ABCB8: variants seen among roughly 807,000 people sequenced by gnomAD.
ABCB8 encodes mitochondrial potassium channel ATP-binding subunit.
A neutral mutation model predicts 73.0 loss-of-function variants in ABCB8; 52 were observed. The ratio of observed to expected loss-of-function variants is 0.71; its 90% CI spans 0.57 to 0.90. ABCB8 has a LOEUF of 0.90. ABCB8 is among the 40% of genes least tolerant of loss of function. ABCB8 has a pLI of 0.00. For missense variants in ABCB8, 909 were observed against 974.6 expected, an observed-to-expected ratio of 0.93 and a Z score of 0.90; for synonymous variants, 428 against 423.5, an observed-to-expected ratio of 1.01 and a Z score of -0.13.
chr7:151,028,885 C>CG (rs1796055751), intron 1 of ABCB8: 3 of 1,497,948 alleles, frequency 2.0e-6, no homozygotes, highest in African/African-American at 2.7e-5. Flanking sequence ...CACTCCCGAC[C>CG]GGGGGTCCCC....
intron 8 of ABCB8, 79 bp from the exon 9 acceptor site, chr7:151,036,465 C>T: frequency 3.1e-6 from 4 of 1,274,948 alleles, no homozygotes; most frequent in Non-Finnish European, 1.1e-6. Flanking sequence ...CTGACTCTCC[C>T]AGTCAGCAGT....
intron 1 of ABCB8, chr7:151,031,754 C>T: frequency 6.5e-6 from 1 of 153,624 alleles, no homozygotes. Context: ...CCTCAGCCTC[C>T]CAAGTAGCTG....
At chr7:151,033,234 G>A (rs1464728309) in intron 1 of ABCB8, 5 of 419,184 alleles carry the variant, frequency 1.2e-5, no homozygotes, top group South Asian at 6.0e-5. Context: ...TTAAACCCCC[G>A]GCCCCTTCCT....
At chr7:151,040,129 C>T in intron 9 of ABCB8, 139 bp from the exon 10 acceptor site, 1 of 963,846 alleles carries the variant, frequency 1.0e-6, no homozygotes, top group Non-Finnish European at 1.6e-6. Flanking sequence ...GGCTCTACGC[C>T]CCCATGGTGC....
Position 151,047,369 on chromosome 7 carries a change from T to C in ABCB8, c.*2020T>C, listed in dbSNP as rs1438937680. 1.3e-5 allele frequency: 2 copies of C among 152,064 alleles called. No individual in the cohort carries two copies. Among genetic ancestry groups the C allele is most frequent in the Non-Finnish European group, 2.9e-5 (2 of 68,012 alleles). 9.4% of individuals were successfully genotyped at this position (152,064 alleles called of 1,614,324 possible). A position where few individuals can be genotyped will look rare whatever the true frequency, so the allele number is the denominator to read the frequency against. On this transcript the variant is annotated 3_prime_UTR_variant, in exon 16 of 16. Transcript: ENST00000358849. Reference sequence around the variant, plus strand: ...TGATGCTGAATGCCTGTTTTGAGAGTGTGAGTGGGATCATCTACAGTAAAT... The same window carrying C: ...TGATGCTGAATGCCTGTTTTGAGAGCGTGAGTGGGATCATCTACAGTAAAT...
intron 15 of ABCB8, 91 bp from the exon 16 acceptor site, chr7:151,045,118 C>A: frequency 7.1e-7 from 1 of 1,407,084 alleles, no homozygotes; most frequent in Non-Finnish European, 9.4e-7. Context: ...TGACCATGGG[C>A]CCAATGGCTG....
At chr7:151,038,441 G>A (rs1796368637) in intron 9 of ABCB8, 1 of 151,708 alleles carries the variant, frequency 6.6e-6, no homozygotes, top group Admixed American at 6.6e-5. Flanking sequence ...AACCTGGTAG[G>A]CAGAGGTTGC....
intron 4 of ABCB8, 45 bp from the exon 5 acceptor site, chr7:151,034,679 T>C: frequency 3.7e-6 from 6 of 1,609,510 alleles, no homozygotes; most frequent in Non-Finnish European, 5.1e-6. Flanking sequence ...CCTGAAGTAA[T>C]GTCTCCCTCT....
chr7:151,041,243 A>G lies in ABCB8; in HGVS notation c.1617+11A>G, dbSNP rs762014916. 8 of 1,593,898 alleles carry G rather than the reference A, an allele frequency of 5.0e-6. No homozygotes were observed. The highest frequency in any genetic ancestry group is 1.7e-5 in the Admixed American group (1 of 59,490). Reference sequence around the variant, plus strand: ...GGCTTCATCAGCCAGGTGCGGGGCCACATGGGCAGCCCTTGGCTCCCACTG... The same window carrying G: ...GGCTTCATCAGCCAGGTGCGGGGCCGCATGGGCAGCCCTTGGCTCCCACTG... On this transcript the variant is annotated intron_variant, in intron 13 of 15. Coordinates refer to ENST00000358849, the MANE Select transcript of ABCB8 (RefSeq NM_007188.5).
rs1796251190 is a variant in ABCB8, at chr7:151,034,533, T to G, written c.593T>G (p.Leu198Arg). The G allele has an allele frequency of 5.0e-6, 8 of 1,613,410 alleles. No homozygotes were observed. In the South Asian group the frequency reaches 8.8e-5, roughly 18 times the overall value. ...CTGCTGACCTTCGGGTACCTGGTGC[T>G]GCTGTCCCACGTTGGCGAGCGCATG... The part of the protein sequence containing the change: ...QGLLTFGYLV[L>R]LSHVGERMAV... Residue 198 changes from leucine (L) to arginine (R), a missense_variant, in exon 4 of 16, where the codon CTG becomes CGG. Coordinates refer to ENST00000358849, the MANE Select transcript of ABCB8 (RefSeq NM_007188.5).
intron 8 of ABCB8, 66 bp from the exon 9 acceptor site, chr7:151,036,478 C>A: frequency 7.3e-7 from 1 of 1,370,952 alleles, no homozygotes; most frequent in Non-Finnish European, 1.0e-6. Context: ...TCAGCAGTGG[C>A]AGAGCAGGCC....
rs377170757 is a variant in ABCB8, at chr7:151,035,762, T to G, written c.927+20T>G. 6.6e-4 allele frequency: 1,067 copies of G among 1,611,544 alleles called. No individual in the cohort carries two copies. Among genetic ancestry groups the G allele is most frequent in the Non-Finnish European group, 8.5e-4 (1,006 of 1,180,018 alleles). Reference sequence around the variant, plus strand: ...GAGCAGGTACCGGCATTCCTGGCCATCCTCTTCACCCTCCCCACACCGTTT... The same window carrying G: ...GAGCAGGTACCGGCATTCCTGGCCAGCCTCTTCACCCTCCCCACACCGTTT... On this transcript the variant is annotated intron_variant, in intron 6 of 15. Coordinates refer to ENST00000358849, the MANE Select transcript of ABCB8 (RefSeq NM_007188.5).
In ABCB8 at chr7:151,028,453, G is replaced by A; in HGVS notation, c.-63G>A. On this transcript the variant is annotated 5_prime_UTR_variant, in exon 1 of 16. Transcript: ENST00000358849. ...CGGGATGGGGGCGGGAGCCAACATA[G>A]AGCCCTCAGTGGGATGAGGGTGAAA... 2 of 1,543,300 alleles carry A rather than the reference G, an allele frequency of 1.3e-6. No individual in the cohort carries two copies. Among genetic ancestry groups the A allele is most frequent in the Middle Eastern group, 1.8e-4 (1 of 5,708 alleles).
intron 5 of ABCB8, 59 bp downstream of exon 5, chr7:151,034,888 C>T: frequency 6.8e-7 from 1 of 1,478,402 alleles, no homozygotes. Context: ...GTGGATTCAC[C>T]AGGCCAGCCC....
rs2117216938 is a variant in ABCB8 at position 151,035,717 on chromosome 7, A to G, written c.902A>G (p.Lys301Arg). Reference sequence around the variant, plus strand: ...ACCCTGATGGGCTCAGGCCTCCGAAAATTGTCTCGCCAGTGTCAGGAGCAG... The same window carrying G: ...ACCCTGATGGGCTCAGGCCTCCGAAGATTGTCTCGCCAGTGTCAGGAGCAG... ...VGTLMGSGLR[K>R]LSRQCQEQIA... is the part of the protein sequence containing the mutation. Residue 301 changes from lysine (K) to arginine (R), a missense_variant, in exon 6 of 16, where the codon AAA becomes AGA. By Grantham distance (26) the Lys-to-Arg change is conservative. Coordinates refer to ENST00000358849, the MANE Select transcript of ABCB8 (RefSeq NM_007188.5). 1 of 1,613,292 alleles carries G rather than the reference A, an allele frequency of 6.2e-7. No individual in the cohort carries two copies. The highest frequency in any genetic ancestry group is 8.5e-7 in the Non-Finnish European group (1 of 1,179,956).
In ABCB8 at chr7:151,040,571, G is replaced by C; in HGVS notation, c.1325G>C (p.Gly442Ala). Residue 442 changes from glycine to alanine, a missense_variant, in exon 11 of 16, where the codon GGG becomes GCG. Physicochemically the swap from Gly to Ala is moderately conservative, Grantham distance 60. Transcript: ENST00000358849. ...CTGAACCCCTGCATCCCACTGTCTGGGGGCTGCTGCGTCCCCAAAGAGCAG... is the reference window on the plus strand; with the variant it reads ...CTGAACCCCTGCATCCCACTGTCTGCGGGCTGCTGCGTCCCCAAAGAGCAG... ...MALNPCIPLSGGCCVPKEQLR... is the reference protein window; with the variant it reads ...MALNPCIPLSAGCCVPKEQLR... 1 of 1,613,400 alleles carries C rather than the reference G, an allele frequency of 6.2e-7. No individual in the cohort carries two copies. Among genetic ancestry groups the C allele is most frequent in the Admixed American group, 1.7e-5 (1 of 60,008 alleles).
Position 151,043,911 on chromosome 7 carries a change from C to T in ABCB8, c.1766-60C>T. On this transcript the variant is annotated intron_variant, in intron 14 of 15. Transcript: ENST00000358849. ...GGCGTTCAGGAAGGACCCTGTGCCC[C>T]TTTGTGGGCCACCCTCAAGTGCACA... The T allele has an allele frequency of 1.9e-6, 3 of 1,590,908 alleles. No homozygotes were observed. The South Asian group carries it at 3.4e-5, about 18-fold the overall frequency.
intron 8 of ABCB8, 138 bp from the exon 9 acceptor site, chr7:151,036,406 T>C: frequency 1.1e-6 from 1 of 891,224 alleles, no homozygotes; most frequent in Admixed American, 2.0e-5. Context: ...CCACCCCAAC[T>C]TGCTCTTCCG....
At chr7:151,032,460 C>T (rs1210899146) in intron 1 of ABCB8, among the ~76,000 whole-genome samples, 1 of 152,176 alleles carries the variant, frequency 6.6e-6, no homozygotes, top group Non-Finnish European at 1.5e-5. Context: ...CTTTGGGAGG[C>T]TGAGGCAGGT....
Sources: allele counts gnomAD v4.1 joint callset (sites outside exome capture counted in the v4.1 genomes callset), GRCh38; gene constraint gnomAD v4.1.1; transcripts MANE v1.5; gene names NCBI Gene and HGNC (gene_info 2026-07-23, HGNC 2026-07-21).